Variants in HS6ST3 observed in about 807,000 individuals in gnomAD.
The protein encoded by HS6ST3 is heparan sulfate 6-O-sulfotransferase 3.
In HS6ST3, 12 loss-of-function variants were observed where a neutral mutation model predicts 36.7. The observed-to-expected ratio is 0.33, with a 90% CI of 0.21 to 0.53. HS6ST3 has a LOEUF of 0.53. Ranked by LOEUF, HS6ST3 falls within the 20% of genes least tolerant of loss-of-function variation. The pLI is 0.95. For missense variants in HS6ST3, 584 were observed against 640.9 expected (o/e 0.91, Z 0.96); for synonymous variants, 240 against 257.5 (o/e 0.93, Z 0.65).
At chr13:96,265,298 A>G (rs1441497347) in intron 1 of HS6ST3, among the ~76,000 whole-genome samples, 2 of 151,864 alleles carry the variant, frequency 1.3e-5, no homozygotes, top group Non-Finnish European at 2.9e-5. Context: ...CCTGAGCCTC[A>G]CAAGTAGCTG....
At chr13:96,372,976 G>A (rs1432066217) in intron 1 of HS6ST3, among the ~76,000 whole-genome samples, 1 of 152,118 alleles carries the variant, frequency 6.6e-6, no homozygotes, top group Non-Finnish European at 1.5e-5. Context: ...CAAGGGCTTG[G>A]CAGGACCATG....
intron 1 of HS6ST3, among the ~76,000 whole-genome samples, chr13:96,271,411 A>C (rs770972230): frequency 6.8e-4 from 104 of 151,948 alleles, no homozygotes; most frequent in Non-Finnish European, 9.1e-4. Context: ...TTTCACTAGC[A>C]GCTCAACCAG....
chr13:96,739,677 CT>C (rs1459911710), intron 1 of HS6ST3, among the ~76,000 whole-genome samples: 1 of 152,164 alleles, frequency 6.6e-6, no homozygotes, highest in African/African-American at 2.4e-5. Context: ...CAATCTTCAT[CT>C]TTTGACCATA....
intron 1 of HS6ST3, among the ~76,000 whole-genome samples, chr13:96,446,850 G>A (rs1319914724): frequency 6.6e-6 from 1 of 152,168 alleles, no homozygotes; most frequent in Non-Finnish European, 1.5e-5. Flanking sequence ...CCCTCGAAAT[G>A]TGGCCCTTCT....
At chr13:96,781,085 A>G (rs927446495) in intron 1 of HS6ST3, among the ~76,000 whole-genome samples, 1 of 152,222 alleles carries the variant, frequency 6.6e-6, no homozygotes, top group Non-Finnish European at 1.5e-5. Context: ...CTGTCTAACT[A>G]TGAAGACGCT....
chr13:96,159,215 A>G (rs895614757), intron 1 of HS6ST3, among the ~76,000 whole-genome samples: 2 of 152,208 alleles, frequency 1.3e-5, no homozygotes, highest in African/African-American at 4.8e-5. Flanking sequence ...CCTCCAAGAC[A>G]GGAAGGAAAG....
chr13:96,590,718 G>T (rs1244803406), intron 1 of HS6ST3, among the ~76,000 whole-genome samples: 2 of 151,970 alleles, frequency 1.3e-5, no homozygotes, highest in Non-Finnish European at 2.9e-5. Flanking sequence ...GTCCATTTTT[G>T]CTTTGGTTGC....
At chr13:96,253,055 G>A (rs1265362834) in intron 1 of HS6ST3, among the ~76,000 whole-genome samples, 1 of 152,148 alleles carries the variant, frequency 6.6e-6, no homozygotes, top group Non-Finnish European at 1.5e-5. Flanking sequence ...TCAGAGACAT[G>A]TGAGGTATTG....
intron 1 of HS6ST3, among the ~76,000 whole-genome samples, chr13:96,725,561 A>T (rs186691466): frequency 2.0e-5 from 3 of 152,170 alleles, no homozygotes; most frequent in Non-Finnish European, 4.4e-5. Context: ...CAAAATGTAG[A>T]TAGAAGTTCA....
chr13:96,447,773 G>T (rs1378579987), intron 1 of HS6ST3, among the ~76,000 whole-genome samples: 1 of 152,162 alleles, frequency 6.6e-6, no homozygotes, highest in African/African-American at 2.4e-5. Flanking sequence ...CATATAACTG[G>T]CTGGTTTCCA....
chr13:96,445,411 A>G (rs2055693242), intron 1 of HS6ST3, among the ~76,000 whole-genome samples: 1 of 152,168 alleles, frequency 6.6e-6, no homozygotes, highest in Non-Finnish European at 1.5e-5. Flanking sequence ...AGTCTTATAG[A>G]TAATGAATAT....
chr13:96,652,173 C>T (rs1228131450), intron 1 of HS6ST3, among the ~76,000 whole-genome samples: 1 of 151,954 alleles, frequency 6.6e-6, no homozygotes, highest in Non-Finnish European at 1.5e-5. Flanking sequence ...GCATATATCA[C>T]ACATATATAT....
chr13:96,238,140 A>G (rs1403589068), intron 1 of HS6ST3, among the ~76,000 whole-genome samples: 2 of 151,814 alleles, frequency 1.3e-5, no homozygotes, highest in African/African-American at 4.9e-5. Flanking sequence ...ACTATCATCT[A>G]TCTAGTTGTT....
intron 1 of HS6ST3, among the ~76,000 whole-genome samples, chr13:96,323,925 T>TA (rs1160401430): frequency 2.0e-5 from 3 of 152,196 alleles, no homozygotes; most frequent in East Asian, 3.9e-4. Context: ...ACTCAATAAA[T>TA]AGTTGTTGTC....
At chr13:96,437,504 C>T (rs565213650) in intron 1 of HS6ST3, among the ~76,000 whole-genome samples, 2 of 152,302 alleles carry the variant, frequency 1.3e-5, no homozygotes, top group East Asian at 3.9e-4. Flanking sequence ...CATCTTTCTC[C>T]CAGCAGGGCT....
chr13:96,655,871 G>A (rs936549465), intron 1 of HS6ST3, among the ~76,000 whole-genome samples: 1 of 152,188 alleles, frequency 6.6e-6, no homozygotes. Flanking sequence ...GCTTCTCAGG[G>A]TTCCACTTCT....
intron 1 of HS6ST3, among the ~76,000 whole-genome samples, chr13:96,352,840 GT>G (rs2055190379): frequency 2.0e-5 from 3 of 152,130 alleles, no homozygotes; most frequent in Admixed American, 6.6e-5. Flanking sequence ...AATTATATCA[GT>G]TATGCCTCCT....
At chr13:96,628,267 C>T (rs903231485) in intron 1 of HS6ST3, among the ~76,000 whole-genome samples, 1 of 151,864 alleles carries the variant, frequency 6.6e-6, no homozygotes, top group African/African-American at 2.4e-5. Context: ...CTATAATCTA[C>T]GTTTTTCAGA....
intron 1 of HS6ST3, among the ~76,000 whole-genome samples, chr13:96,162,028 A>G (rs1004763052): frequency 6.6e-6 from 1 of 152,220 alleles, no homozygotes; most frequent in Non-Finnish European, 1.5e-5. Flanking sequence ...TGAAGAACCT[A>G]CTTAAAGATC....
Sources: allele counts gnomAD v4.1 joint callset (sites outside exome capture counted in the v4.1 genomes callset), GRCh38; gene constraint gnomAD v4.1.1; transcripts MANE v1.5; gene names NCBI Gene and HGNC (gene_info 2026-07-23, HGNC 2026-07-21).